Variants in DAZL observed in about 807,000 individuals in gnomAD.
DAZL encodes the protein deleted in azoospermia-like.
A neutral mutation model predicts 45.0 loss-of-function variants in DAZL; 4 were observed. The observed-to-expected ratio is 0.09, with a 90% confidence interval of 0.04 to 0.20. The LOEUF (loss-of-function observed/expected upper bound fraction) is 0.20, where lower values mean the gene tolerates loss of function less well. Ranked by LOEUF, DAZL falls within the 10% of genes least tolerant of loss-of-function variation. The pLI is 1.00. For missense variants in DAZL, 326 were observed against 351.3 expected, an observed-to-expected ratio of 0.93 and a Z score of 0.58; for synonymous variants, 122 against 112.4, an observed-to-expected ratio of 1.09 and a Z score of -0.54.
Position 16,597,478 on chromosome 3 carries a change from T to G in DAZL, c.294+12A>C. 1 of 1,460,178 alleles carries G rather than the reference T, an allele frequency of 6.8e-7. No homozygotes were observed. The highest frequency in any genetic ancestry group is 9.6e-7 in the Non-Finnish European group (1 of 1,040,180). The allele number at this position is 1,460,178 out of a possible 1,614,324, so 90.5% of individuals were successfully genotyped here. A position where few individuals can be genotyped will look rare whatever the true frequency, so the allele number is the denominator to read the frequency against. On this transcript the variant is annotated intron_variant, in intron 4 of 10. Coordinates refer to ENST00000399444, the MANE Select transcript of DAZL (RefSeq NM_001351.4). ...AATTAAACAAATGAGATTTTTCTAT[T>G]AGATTACTTACTTCTACTATCTTCT... is the stretch of plus-strand genomic sequence containing the variant.
intron 9 of DAZL, among the ~76,000 whole-genome samples, chr3:16,593,146 T>C (rs534666764): frequency 6.6e-6 from 1 of 152,228 alleles, no homozygotes; most frequent in South Asian, 2.1e-4. Context: ...TTTTGAAGAG[T>C]AGAATTCTTG....
intron 1 of DAZL, among the ~76,000 whole-genome samples, chr3:16,599,467 A>G (rs1694650507): frequency 6.6e-6 from 1 of 152,168 alleles, no homozygotes; most frequent in Non-Finnish European, 1.5e-5. Flanking sequence ...GGATCATGGA[A>G]ACATTATTTG....
In DAZL at chr3:16,594,678, C is replaced by A. The variant is rs1358511729; in HGVS notation, c.571-95G>T. 10 of 744,210 alleles carry A rather than the reference C, an allele frequency of 1.3e-5. No homozygotes were observed. The East Asian group carries it at 2.3e-4, about 17-fold the overall frequency. The allele number at this position is 744,210 out of a possible 1,614,324, so 46.1% of individuals were successfully genotyped here. On this transcript the variant is annotated intron_variant, in intron 7 of 10. Transcript: ENST00000399444. ...ACACAATATTGAAGTACTTATCATG[C>A]TGGCTCCTTTGTTGTTATAATAAAA... is the stretch of plus-strand genomic sequence containing the variant.
chr3:16,604,591 GC>G, intron 1 of DAZL: 2 of 1,394,256 alleles, frequency 1.4e-6, no homozygotes, highest in Non-Finnish European at 1.9e-6. Context: ...CCTTCAGGAC[GC>G]CCCACACCCC....
At chr3:16,595,789 G>C (rs2125045697) in intron 6 of DAZL, among the ~76,000 whole-genome samples, 1 of 151,926 alleles carries the variant, frequency 6.6e-6, no homozygotes, top group South Asian at 2.1e-4. Flanking sequence ...AATATTATAG[G>C]GTAATATGTA....
At chr3:16,604,444 TGC>T (rs1694741800) in intron 1 of DAZL, 1 of 1,531,686 alleles carries the variant, frequency 6.5e-7, no homozygotes, top group Non-Finnish European at 8.7e-7. Context: ...ACCAACCTCG[TGC>T]GGCAAAGATG....
At chr3:16,593,322 T>C (rs975781225) in intron 9 of DAZL, among the ~76,000 whole-genome samples, 3 of 152,210 alleles carry the variant, frequency 2.0e-5, no homozygotes, top group African/African-American at 7.2e-5. Context: ...AACCTTTACA[T>C]TAACTGCTGA....
At chr3:16,596,192 G>C (rs1694597434) in intron 6 of DAZL, among the ~76,000 whole-genome samples, 1 of 151,954 alleles carries the variant, frequency 6.6e-6, no homozygotes, top group Non-Finnish European at 1.5e-5. Flanking sequence ...GAACTAAGAA[G>C]AAAATGTTAT....
At chr3:16,588,961 C>G (rs1252338154) in intron 10 of DAZL, among the ~76,000 whole-genome samples, 10 of 151,934 alleles carry the variant, frequency 6.6e-5, no homozygotes, top group Non-Finnish European at 1.2e-4. Context: ...CCATTAAACT[C>G]AGAAATAACA....
At chr3:16,599,341 G>A (rs1271282207) in intron 1 of DAZL, among the ~76,000 whole-genome samples, 1 of 152,064 alleles carries the variant, frequency 6.6e-6, no homozygotes, top group Non-Finnish European at 1.5e-5. Context: ...ACATCAAAAA[G>A]AAAATAAGCC....
chr3:16,593,920 A>T (rs1575416785), intron 8 of DAZL, 152 bp from the exon 9 acceptor site: 3 of 577,060 alleles, frequency 5.2e-6, no homozygotes, highest in East Asian at 3.0e-5. Context: ...GTTTTAAATG[A>T]ACAGTTGAAA....
At chr3:16,599,950 G>C (rs887547213) in intron 1 of DAZL, among the ~76,000 whole-genome samples, 4 of 152,086 alleles carry the variant, frequency 2.6e-5, no homozygotes, top group Non-Finnish European at 5.9e-5. Flanking sequence ...AAAGTATAAA[G>C]TGGTATATCA....
At chr3:16,592,972 C>T (rs888064577) in intron 9 of DAZL, among the ~76,000 whole-genome samples, 1 of 152,116 alleles carries the variant, frequency 6.6e-6, no homozygotes, top group African/African-American at 2.4e-5. Flanking sequence ...AGAAAGAACC[C>T]TGCCTAATTC....
Position 16,604,774 on chromosome 3 carries a change from C to T in DAZL, c.3+429G>A, listed in dbSNP as rs1040333797. 53 of 1,340,776 alleles carry T rather than the reference C, an allele frequency of 4.0e-5. No homozygotes were observed. The Admixed American group carries it at 1.2e-3, about 31-fold the overall frequency. 83.1% of individuals were successfully genotyped at this position (1,340,776 alleles called of 1,614,324 possible). A position where few individuals can be genotyped will look rare whatever the true frequency, so the allele number is the denominator to read the frequency against. On this transcript the variant is annotated intron_variant, in intron 1 of 10. Transcript: ENST00000399444. ...CGCGCCAGAAATGAGGCTGGCGGGGCGGAGGCGCGTGGGAGTGGGGGAGGG... is the reference window on the plus strand; with the variant it reads ...CGCGCCAGAAATGAGGCTGGCGGGGTGGAGGCGCGTGGGAGTGGGGGAGGG...
At position 16,588,103 on chromosome 3, in the gene DAZL, C is replaced by A. The variant is rs149243225; in HGVS notation, c.*557G>T. ...CATATGACCCACTGATTGGACTGTT[C>A]GCTTTGAATCTGTTTTGCTGGGTTT... On this transcript the variant is annotated 3_prime_UTR_variant, in exon 11 of 11. Transcript: ENST00000399444. 1 of 159,532 alleles carries A rather than the reference C, an allele frequency of 6.3e-6. No homozygotes were observed. Among genetic ancestry groups the A allele is most frequent in the African/African-American group, 2.4e-5 (1 of 41,630 alleles). The allele number at this position is 159,532 out of a possible 1,614,324, so 9.9% of individuals were successfully genotyped here.
intron 6 of DAZL, 99 bp from the exon 7 acceptor site, chr3:16,595,484 T>C (rs1694585320): frequency 1.5e-6 from 1 of 676,572 alleles, no homozygotes. Flanking sequence ...ACTTTTAAAA[T>C]ATTTTTCTAT....
intron 6 of DAZL, among the ~76,000 whole-genome samples, chr3:16,596,073 A>C (rs1461723556): frequency 6.6e-6 from 1 of 152,042 alleles, no homozygotes; most frequent in African/African-American, 2.4e-5. Context: ...TTTCAAGTAC[A>C]TGGAAAATGT....
In DAZL at chr3:16,596,847, G is replaced by T. The variant is rs1004145636; in HGVS notation, c.401C>A (p.Pro134His). The part of the protein sequence containing the change: ...VQPRPLVFNH[P>H]PPPQFQNVWT... Reference sequence around the variant, plus strand: ...GACATTCTGAAACTGTGGTGGAGGAGGATGATTAAAAACCAAAGGACGTGG... The same window carrying T: ...GACATTCTGAAACTGTGGTGGAGGATGATGATTAAAAACCAAAGGACGTGG... The change falls in exon 6 of 11, where the codon CCT becomes CAT. Residue 134 changes from proline to histidine, a missense_variant. By Grantham distance (77) the Pro-to-His change is moderately conservative. This residue lies in a region of DAZL where 227 missense variants were observed against 216.6 expected (regional missense o/e 1.05). Coordinates refer to ENST00000399444, the MANE Select transcript of DAZL (RefSeq NM_001351.4). 1.2e-6 allele frequency: 2 copies of T among 1,613,704 alleles called. No homozygotes were observed. The highest frequency in any genetic ancestry group is 2.7e-5 in the African/African-American group (2 of 74,898).
chr3:16,600,216 G>A (rs989574972), intron 1 of DAZL, among the ~76,000 whole-genome samples: 2 of 152,054 alleles, frequency 1.3e-5, no homozygotes, highest in African/African-American at 4.8e-5. Flanking sequence ...CAAGACAAAA[G>A]AAAGCAACTG....
Sources: gnomAD v4.1 joint callset for allele counts (sites outside exome capture counted in the v4.1 genomes callset) on GRCh38, gnomAD v4.1.1 for gene constraint, gnomAD v4.1.1 regional missense constraint, MANE v1.5 for transcripts, NCBI Gene and HGNC (gene_info 2026-07-23, HGNC 2026-07-21) for gene names.